The following DNAH11 variants were observed in gnomAD, a reference collection of about 807,000 sequenced individuals.
DNAH11 encodes axonemal beta dynein heavy chain 11.
In DNAH11, 442 loss-of-function variants were observed where a neutral mutation model predicts 526.0. The ratio of observed to expected loss-of-function variants is 0.84; its 90% CI spans 0.78 to 0.91. DNAH11 has a LOEUF of 0.91. Ranked by LOEUF, DNAH11 falls within the 40% of genes least tolerant of loss-of-function variation. DNAH11 has a pLI of 0.00. For synonymous variants in DNAH11, 2,461 were observed against 1,935.9 expected, an observed-to-expected ratio of 1.27 and a Z score of -7.12; for missense variants, 6,989 against 5,448.7, an observed-to-expected ratio of 1.28 and a Z score of -8.90.
In DNAH11 at chr7:21,581,996, G is replaced by A; in HGVS notation, c.1685G>A (p.Cys562Tyr). 1.2e-6 allele frequency: 2 copies of A among 1,612,344 alleles called. No individual in the cohort carries two copies. Among genetic ancestry groups the A allele is most frequent in the Non-Finnish European group, 1.7e-6 (2 of 1,178,694 alleles). Residue 562 changes from cysteine to tyrosine, a missense_variant, in exon 9 of 82, where the codon TGC becomes TAC. Physicochemically the swap from Cys to Tyr is radical, Grantham distance 194. Coordinates refer to ENST00000409508, the MANE Select transcript of DNAH11 (RefSeq NM_001277115.2). ...GTIICEAFFN[C>Y]NGLEAAFKLL... The stretch of plus-strand genomic sequence containing the variant: ...ATTATTTGTGAAGCTTTCTTTAACT[G>A]CAATGGCTTAGAAGCTGCATTTAAG...
intron 61 of DNAH11, among the ~76,000 whole-genome samples, chr7:21,790,678 A>G (rs1788443129): frequency 6.6e-6 from 1 of 152,134 alleles, no homozygotes; most frequent in Non-Finnish European, 1.5e-5. Flanking sequence ...AACCACCAGG[A>G]TAACTAGGAT....
Position 21,601,140 on chromosome 7 carries a change from G to A in DNAH11, c.3386G>A (p.Trp1129Ter), listed in dbSNP as rs1452772718. 1 of 1,606,672 alleles carries A rather than the reference G, an allele frequency of 6.2e-7. No homozygotes were observed. The highest frequency in any genetic ancestry group is 8.5e-7 in the Non-Finnish European group (1 of 1,178,508). Residue 1129 changes from tryptophan to a stop codon, truncating the protein, a stop_gained, in exon 17 of 82, where the codon TGG (tryptophan) becomes TAG (stop). Transcript: ENST00000409508. LOFTEE classifies it high-confidence loss of function. ...SLLTIIKKWSWMFQEHLLRFV... is the reference protein window; with the variant it reads ...SLLTIIKKWS The stretch of plus-strand genomic sequence containing the variant: ...TTAACCATAATTAAGAAATGGAGCT[G>A]GATGTTTCAGGAGCATCTTTTGAGA...
At chr7:21,819,911 A>G (rs1789982647) in intron 65 of DNAH11, among the ~76,000 whole-genome samples, 1 of 152,186 alleles carries the variant, frequency 6.6e-6, no homozygotes, top group East Asian at 1.9e-4. Flanking sequence ...TGATGAATTG[A>G]TCATATCATT....
intron 54 of DNAH11, among the ~76,000 whole-genome samples, chr7:21,759,827 G>T (rs10485975): frequency 5.9e-5 from 9 of 152,118 alleles, no homozygotes; most frequent in African/African-American, 2.2e-4. Context: ...ACAAAGCACA[G>T]GGAAAAGTGG....
intron 51 of DNAH11, among the ~76,000 whole-genome samples, chr7:21,746,406 C>T (rs1273926492): frequency 6.6e-6 from 1 of 152,026 alleles, no homozygotes; most frequent in East Asian, 1.9e-4. Flanking sequence ...AAGTTTGAGA[C>T]CTGTCTGGGT....
At chr7:21,862,741 A>G (rs1174503937) in intron 69 of DNAH11, among the ~76,000 whole-genome samples, 1 of 152,170 alleles carries the variant, frequency 6.6e-6, no homozygotes, top group Non-Finnish European at 1.5e-5. Context: ...CTTCCTTTTT[A>G]TTCCTTTTTC....
At chr7:21,676,592 C>A (rs183402089) in intron 30 of DNAH11, among the ~76,000 whole-genome samples, 2 of 152,260 alleles carry the variant, frequency 1.3e-5, no homozygotes, top group Admixed American at 6.5e-5. Flanking sequence ...ATTATGTTGA[C>A]AAGCTGTGTT....
chr7:21,898,843 G>A (rs558272568), intron 79 of DNAH11, among the ~76,000 whole-genome samples: 7 of 152,242 alleles, frequency 4.6e-5, no homozygotes, highest in African/African-American at 7.2e-5. Flanking sequence ...GCTACTGCAC[G>A]TGCTTAGACT....
intron 46 of DNAH11, 69 bp downstream of exon 46, chr7:21,735,913 A>G (rs1051948792): frequency 3.3e-5 from 45 of 1,383,386 alleles, no homozygotes; most frequent in Admixed American, 1.5e-4. Context: ...ATGCAGCCCA[A>G]AAGACTAATA....
intron 14 of DNAH11, among the ~76,000 whole-genome samples, chr7:21,592,962 G>A (rs1026763822): frequency 6.6e-6 from 1 of 152,160 alleles, no homozygotes; most frequent in Admixed American, 6.5e-5. Flanking sequence ...GACTAGAATT[G>A]CAAATGTGTC....
In DNAH11 at chr7:21,617,647, G is replaced by C. The variant is rs151018293; in HGVS notation, c.4124G>C (p.Arg1375Pro). 6.2e-7 allele frequency: 1 copy of C among 1,613,826 alleles called. No individual in the cohort carries two copies. Among genetic ancestry groups the C allele is most frequent in the South Asian group, 1.1e-5 (1 of 91,076 alleles). ...KEIWSLNKEV[R>P]VWDAYTGLEG... ...ATTTGGTCACTCAACAAGGAAGTCC[G>C]CGTCTGGGATGCTTACACGGGCCTG... Residue 1375 changes from arginine (R) to proline (P), a missense_variant, in exon 23 of 82, where the codon CGC becomes CCC. Physicochemically the swap from Arg to Pro is moderately radical, Grantham distance 103 (BLOSUM62 -2). Coordinates refer to ENST00000409508, the MANE Select transcript of DNAH11 (RefSeq NM_001277115.2).
At chr7:21,888,869 T>C (rs766894738) in intron 76 of DNAH11, among the ~76,000 whole-genome samples, 1 of 152,210 alleles carries the variant, frequency 6.6e-6, no homozygotes, top group South Asian at 2.1e-4. Context: ...CGATTCTTTT[T>C]GTTTTTAAAA....
intron 74 of DNAH11, among the ~76,000 whole-genome samples, chr7:21,877,117 A>G (rs1783743678): frequency 6.6e-6 from 1 of 152,214 alleles, no homozygotes; most frequent in South Asian, 2.1e-4. Flanking sequence ...GTAAATGAGG[A>G]CCAGTTGTTC....
intron 65 of DNAH11, among the ~76,000 whole-genome samples, chr7:21,829,377 A>C (rs1307525413): frequency 6.6e-6 from 1 of 152,196 alleles, no homozygotes; most frequent in East Asian, 1.9e-4. Context: ...TGAATTGTCC[A>C]ACTTAGAGTG....
intron 25 of DNAH11, among the ~76,000 whole-genome samples, chr7:21,621,707 A>G (rs536732839): frequency 0.053 from 7,927 of 150,626 alleles, 763 homozygotes; most frequent in African/African-American, 0.19. Flanking sequence ...TATAAACAGA[A>G]CCAAAGACAA....
At position 21,787,453 on chromosome 7, in the gene DNAH11, A is replaced by G. The variant is rs1788240053; in HGVS notation, c.9794A>G (p.Glu3265Gly). Residue 3265 changes from glutamate to glycine, a missense_variant, in exon 60 of 82, where the codon GAG (glutamate) becomes GGG (glycine). Coordinates refer to ENST00000409508, the MANE Select transcript of DNAH11 (RefSeq NM_001277115.2). ...AACTATGACAAAGAGCACATTCCAG[A>G]GAACTGTCTAAAAGTGGTGAATGAA... ...LINYDKEHIP[E>G]NCLKVVNEHY... The G allele has an allele frequency of 6.2e-7, 1 of 1,613,650 alleles. No homozygotes were observed. The highest frequency in any genetic ancestry group is 8.5e-7 in the Non-Finnish European group (1 of 1,179,654).
rs527298755 is a variant in DNAH11, at chr7:21,610,111, G to A, written c.3852+3378G>A. Among the ~76,000 whole-genome samples the A allele has an allele frequency of 1.5e-3, 232 of 152,188 alleles. 1 individual carries two copies. Among genetic ancestry groups the A allele is most frequent in the African/African-American group, 5.3e-3 (221 of 41,526 alleles). ...CTACTAAAAATACAAAAAATTAGCC[G>A]GGCGTGGTGGCAGGCGCTTGTAGTC... On this transcript the variant is annotated intron_variant, in intron 20 of 81. Transcript: ENST00000409508.
chr7:21,856,110 G>C (rs911367034), intron 68 of DNAH11, among the ~76,000 whole-genome samples: 1 of 152,150 alleles, frequency 6.6e-6, no homozygotes, highest in Non-Finnish European at 1.5e-5. Context: ...AAGGGGAAAG[G>C]TAGCAAGAAA....
chr7:21,765,801 C>T (rs2286270), intron 55 of DNAH11, among the ~76,000 whole-genome samples: 2 of 152,046 alleles, frequency 1.3e-5, no homozygotes. Context: ...ACCATACATA[C>T]TGAGGAGGAT....
Sources: gnomAD v4.1 joint callset for allele counts (sites outside exome capture counted in the v4.1 genomes callset) on GRCh38, gnomAD v4.1.1 for gene constraint, MANE v1.5 for transcripts, NCBI Gene and HGNC (gene_info 2026-07-23, HGNC 2026-07-21) for gene names.